The following SLC36A1 variants were observed in gnomAD, a reference collection of about 807,000 sequenced individuals.
SLC36A1 encodes the protein solute carrier family 36 member 1.
In SLC36A1, 30 loss-of-function variants were observed where a neutral mutation model predicts 47.5. The observed-to-expected ratio is 0.63, with a 90% CI of 0.47 to 0.86. SLC36A1 has a LOEUF of 0.86. Among genes scored for constraint, SLC36A1 ranks in the 40% least tolerant of loss-of-function variants. SLC36A1 has a pLI of 0.00. For synonymous variants in SLC36A1, 255 were observed against 249.7 expected (o/e 1.02, Z -0.20); for missense variants, 517 against 606.0 (o/e 0.85, Z 1.54).
intron 10 of SLC36A1, chr5:151,480,061 G>A: frequency 6.7e-7 from 1 of 1,494,044 alleles, no homozygotes; most frequent in Non-Finnish European, 8.9e-7. Context: ...TCCCAGGAGT[G>A]TAAGTTAAAA....
At chr5:151,436,870 C>G (rs1187531317), upstream of SLC36A1, among the ~76,000 whole-genome samples, 1 of 152,082 alleles carries the variant, frequency 6.6e-6, no homozygotes, top group East Asian at 1.9e-4. Context: ...CTGACGGGAC[C>G]TGCTAGTAAG....
the SLC36A1 span, among the ~76,000 whole-genome samples, chr5:151,400,431 A>G: frequency 6.6e-6 from 1 of 152,084 alleles, no homozygotes; most frequent in Admixed American, 6.6e-5. Flanking sequence ...GGTTGATTTC[A>G]TGTCTTTGCT....
chr5:151,414,168 T>G, the SLC36A1 span, among the ~76,000 whole-genome samples: 1 of 152,096 alleles, frequency 6.6e-6, no homozygotes, highest in South Asian at 2.1e-4. Context: ...AGGATTAAAT[T>G]AAGAAGAGAA....
the SLC36A1 span, among the ~76,000 whole-genome samples, chr5:151,513,095 G>A: frequency 2.4e-4 from 37 of 152,300 alleles, no homozygotes; most frequent in African/African-American, 8.9e-4. Context: ...ATTTGCCTTT[G>A]TTTTCTCACA....
the SLC36A1 span, among the ~76,000 whole-genome samples, chr5:151,516,405 A>G: frequency 4.5e-4 from 68 of 152,070 alleles, no homozygotes; most frequent in African/African-American, 1.5e-3. Flanking sequence ...AATTCCAGCT[A>G]CTCCAGAGAC....
Position 151,492,339 on chromosome 5 carries a change from G to A in SLC36A1, c.*4085G>A, listed in dbSNP as rs1404547949. ...GGTTTGCACATGGATCGTATGTTAA[G>A]CTTTTTCTTTTCAATAAATGAATTT... On this transcript the variant is annotated 3_prime_UTR_variant, in exon 11 of 11. Transcript: ENST00000243389. The A allele has an allele frequency of 6.6e-6, 1 of 151,884 alleles. No individual in the cohort carries two copies. Among genetic ancestry groups the A allele is most frequent in the Non-Finnish European group, 1.5e-5 (1 of 67,942 alleles). 9.4% of individuals were successfully genotyped at this position (151,884 alleles called of 1,614,324 possible).
the SLC36A1 span, among the ~76,000 whole-genome samples, chr5:151,375,235 A>G: frequency 6.6e-6 from 1 of 152,136 alleles, no homozygotes; most frequent in Non-Finnish European, 1.5e-5. Context: ...TGATTTTTGT[A>G]TATGGTGAGA....
the SLC36A1 span, among the ~76,000 whole-genome samples, chr5:151,370,989 A>AAAT: frequency 7.2e-5 from 11 of 152,104 alleles, no homozygotes; most frequent in African/African-American, 1.2e-4. Flanking sequence ...CTCTGTCTCA[A>AAAT]AATAATAATA....
chr5:151,473,033 G>A (rs1475211204), intron 7 of SLC36A1, among the ~76,000 whole-genome samples: 2 of 152,104 alleles, frequency 1.3e-5, no homozygotes, highest in African/African-American at 4.8e-5. Context: ...AGCCGAGTGT[G>A]GTGGCACGCA....
At chr5:151,506,082 G>A in the SLC36A1 span, 1 of 1,523,274 alleles carries the variant, frequency 6.6e-7, no homozygotes, top group Non-Finnish European at 8.7e-7. Flanking sequence ...CCAGACCATG[G>A]CTCCGCCAGG....
rs1760094172 is a variant in SLC36A1, at chr5:151,491,301, C to G, written c.*3047C>G. On this transcript the variant is annotated 3_prime_UTR_variant, in exon 11 of 11. Transcript: ENST00000243389. ...GTGCTGCTGTCCAGCTGCTAAGATCCCTTCATCTGCACAAGCCCTGGCTAG... is the reference window on the plus strand; with the variant it reads ...GTGCTGCTGTCCAGCTGCTAAGATCGCTTCATCTGCACAAGCCCTGGCTAG... The G allele has an allele frequency of 2.0e-5, 3 of 152,624 alleles. No individual in the cohort carries two copies. Among genetic ancestry groups the G allele is most frequent in the Non-Finnish European group, 4.4e-5 (3 of 68,060 alleles). 9.5% of individuals were successfully genotyped at this position (152,624 alleles called of 1,614,324 possible).
At chr5:151,550,698 G>A in the SLC36A1 span, 1 of 1,614,120 alleles carries the variant, frequency 6.2e-7, no homozygotes, top group Non-Finnish European at 8.5e-7. Flanking sequence ...CACTTCCTGG[G>A]TCTTGGCTGC....
the SLC36A1 span, among the ~76,000 whole-genome samples, chr5:151,532,947 T>C: frequency 1.3e-5 from 2 of 152,212 alleles, no homozygotes; most frequent in Non-Finnish European, 2.9e-5. Flanking sequence ...AACTTCCCCA[T>C]ATTGGCACTT....
At chr5:151,511,586 A>C in the SLC36A1 span, 1 of 153,908 alleles carries the variant, frequency 6.5e-6, no homozygotes, top group Non-Finnish European at 1.4e-5. Flanking sequence ...GCGAGGGTGG[A>C]GAGGGAAAAT....
At chr5:151,445,351 A>AT (rs1029835767), upstream of SLC36A1, among the ~76,000 whole-genome samples, 7 of 152,224 alleles carry the variant, frequency 4.6e-5, no homozygotes, top group East Asian at 3.9e-4. Context: ...ATGATACATA[A>AT]TTTTTTTGAT....
the SLC36A1 span, among the ~76,000 whole-genome samples, chr5:151,533,380 A>T: frequency 7.0e-6 from 1 of 142,176 alleles, no homozygotes; most frequent in African/African-American, 2.5e-5. Context: ...TTCCACTTGC[A>T]CTTGTTATCT....
the SLC36A1 span, among the ~76,000 whole-genome samples, chr5:151,400,057 A>C: frequency 6.6e-6 from 1 of 152,100 alleles, no homozygotes; most frequent in East Asian, 1.9e-4. Flanking sequence ...GGTTTGTTAC[A>C]TGGGTATATT....
At chr5:151,374,001 T>TC in the SLC36A1 span, among the ~76,000 whole-genome samples, 4 of 152,136 alleles carry the variant, frequency 2.6e-5, no homozygotes, top group Non-Finnish European at 5.9e-5. Flanking sequence ...TGAAAGATTC[T>TC]CCCCGGGGCC....
At chr5:151,468,287 A>ATC in intron 7 of SLC36A1, among the ~76,000 whole-genome samples, 1 of 102,096 alleles carries the variant, frequency 9.8e-6, no homozygotes, top group Non-Finnish European at 1.9e-5. Flanking sequence ...ATATATATAT[A>ATC]TATATATTTT....
Sources: allele counts gnomAD v4.1 joint callset (sites outside exome capture counted in the v4.1 genomes callset), GRCh38; gene constraint gnomAD v4.1.1; transcripts MANE v1.5; gene names NCBI Gene and HGNC (gene_info 2026-07-23, HGNC 2026-07-21).